MDGA2: variants seen among roughly 807,000 people sequenced by gnomAD.
The protein encoded by MDGA2 is MAM domain containing glycosylphosphatidylinositol anchor 2, also known as MAM domain-containing glycosylphosphatidylinositol anchor protein 2.
Under a neutral mutation model 117.8 loss-of-function variants are expected in MDGA2, and 40 were observed. The ratio of observed to expected loss-of-function variants is 0.34; its 90% CI spans 0.26 to 0.44. The LOEUF (loss-of-function observed/expected upper bound fraction) is 0.44. MDGA2 is among the 20% of genes least tolerant of loss of function. MDGA2 has a pLI of 1.00. For synonymous variants in MDGA2, 452 were observed against 439.0 expected, an observed-to-expected ratio of 1.03 and a Z score of -0.37; for missense variants, 1,123 against 1,250.6, an observed-to-expected ratio of 0.90 and a Z score of 1.54.
intron 4 of MDGA2, among the ~76,000 whole-genome samples, chr14:47,141,691 C>T (rs144703258): frequency 0.023 from 3,451 of 151,236 alleles, 60 homozygotes; most frequent in Non-Finnish European, 0.034. Flanking sequence ...AATTAGGGAG[C>T]ACAATAATCA....
At chr14:47,247,295 T>C (rs1272732568) in intron 2 of MDGA2, among the ~76,000 whole-genome samples, 1 of 136,416 alleles carries the variant, frequency 7.3e-6, no homozygotes, top group Non-Finnish European at 1.6e-5. Flanking sequence ...ATAGTGCTGA[T>C]ATAGTTTCAT....
At chr14:47,129,562 G>A (rs1882090885) in intron 5 of MDGA2, among the ~76,000 whole-genome samples, 1 of 148,066 alleles carries the variant, frequency 6.8e-6, no homozygotes, top group East Asian at 2.0e-4. Flanking sequence ...ACGTGTGCAT[G>A]TGTCTTTATA....
chr14:47,156,033 G>A (rs1423575472), intron 3 of MDGA2, among the ~76,000 whole-genome samples: 9 of 149,712 alleles, frequency 6.0e-5, no homozygotes, highest in Admixed American at 4.7e-4. Flanking sequence ...CTCAGCCGCT[G>A]GCGTAGCTGG....
At chr14:47,438,372 C>T (rs541713394) in intron 1 of MDGA2, among the ~76,000 whole-genome samples, 1 of 152,266 alleles carries the variant, frequency 6.6e-6, no homozygotes, top group South Asian at 2.1e-4. Flanking sequence ...AACCATCCCA[C>T]CACCTTCAAA....
intron 8 of MDGA2, among the ~76,000 whole-genome samples, chr14:46,969,933 CAT>C (rs1157465830): frequency 0.12 from 1,679 of 14,084 alleles, 5 homozygotes; most frequent in Non-Finnish European, 0.15. Context: ...TAAAGTATTC[CAT>C]ATATATATAT....
chr14:46,982,681 C>T lies in MDGA2; in HGVS notation c.1820-25038G>A, dbSNP rs574765594. 3.0e-5 allele frequency among the ~76,000 whole-genome samples: 4 copies of T among 131,844 alleles called. No homozygotes were observed. In the Admixed American group the frequency reaches 3.7e-4, roughly 12 times the overall value. The allele number at this position is 131,844 out of a possible 152,430, so 86.5% of individuals were successfully genotyped here. Reference sequence around the variant, plus strand: ...CCGAGATCACGCCACTGCACTCCAGCCTGGTGACAGAGGGAGACTCCATCA... The same window carrying T: ...CCGAGATCACGCCACTGCACTCCAGTCTGGTGACAGAGGGAGACTCCATCA... On this transcript the variant is annotated intron_variant, in intron 8 of 16. Transcript: ENST00000399232.
At chr14:47,647,451 A>C (rs969305066) in intron 1 of MDGA2, among the ~76,000 whole-genome samples, 3 of 152,158 alleles carry the variant, frequency 2.0e-5, no homozygotes, top group Non-Finnish European at 4.4e-5. Flanking sequence ...ATGATAATTT[A>C]TGTGAAACAC....
At chr14:47,626,257 G>C (rs1897137589) in intron 1 of MDGA2, 1 of 152,230 alleles carries the variant, frequency 6.6e-6, no homozygotes, top group South Asian at 2.1e-4. Flanking sequence ...ATTAAAAACA[G>C]TCAATACTTG....
chr14:47,159,458 CATTA>C (rs1314088412), intron 3 of MDGA2, among the ~76,000 whole-genome samples: 11 of 152,156 alleles, frequency 7.2e-5, no homozygotes, highest in African/African-American at 1.9e-4. Flanking sequence ...CAATCATTCC[CATTA>C]ATTGTCTCTA....
intron 1 of MDGA2, among the ~76,000 whole-genome samples, chr14:47,319,433 T>C (rs1889911530): frequency 6.6e-6 from 1 of 152,200 alleles, no homozygotes; most frequent in Non-Finnish European, 1.5e-5. Flanking sequence ...AAGTATTAAA[T>C]ATATGTTCCT....
At chr14:46,965,682 G>A (rs771451421) in intron 8 of MDGA2, among the ~76,000 whole-genome samples, 6 of 152,032 alleles carry the variant, frequency 3.9e-5, no homozygotes, top group Non-Finnish European at 8.8e-5. Context: ...TCATTCTTTG[G>A]AATATCCGGT....
At chr14:47,055,004 T>TTC (rs1408378289) in intron 7 of MDGA2, among the ~76,000 whole-genome samples, 43 of 92,190 alleles carry the variant, frequency 4.7e-4, no homozygotes, top group African/African-American at 1.6e-3. Flanking sequence ...TTTCTTTTCT[T>TTC]TTTTTTTTTT....
At chr14:47,375,647 G>T (rs1440705050) in intron 1 of MDGA2, among the ~76,000 whole-genome samples, 3 of 151,652 alleles carry the variant, frequency 2.0e-5, no homozygotes, top group African/African-American at 4.8e-5. Flanking sequence ...TCCAATCCTC[G>T]CAACTATCCA....
At chr14:47,065,926 T>C (rs980728412) in intron 6 of MDGA2, among the ~76,000 whole-genome samples, 2 of 152,194 alleles carry the variant, frequency 1.3e-5, no homozygotes, top group African/African-American at 4.8e-5. Context: ...CAAAACCTTG[T>C]TGAGATCTGG....
chr14:46,960,013 G>C (rs989000353), intron 8 of MDGA2, among the ~76,000 whole-genome samples: 1 of 152,006 alleles, frequency 6.6e-6, no homozygotes, highest in African/African-American at 2.4e-5. Context: ...CACGAGGTCA[G>C]GACTTCGAGA....
intron 1 of MDGA2, among the ~76,000 whole-genome samples, chr14:47,561,153 G>GGGTT (rs1895797132): frequency 1.6e-5 from 1 of 63,908 alleles, no homozygotes; most frequent in African/African-American, 3.8e-5. Flanking sequence ...TTTTTTTTTT[G>GGGTT]TTTTGTTTTG....
chr14:46,980,478 T>C (rs570765696), intron 8 of MDGA2, among the ~76,000 whole-genome samples: 187 of 152,288 alleles, frequency 1.2e-3, no homozygotes, highest in Non-Finnish European at 2.1e-3. Flanking sequence ...TTTAGAACAT[T>C]ACATAATGTT....
intron 8 of MDGA2, among the ~76,000 whole-genome samples, chr14:46,984,560 A>T (rs947291256): frequency 2.6e-5 from 4 of 151,984 alleles, no homozygotes; most frequent in Non-Finnish European, 5.9e-5. Flanking sequence ...GGATTCTTGT[A>T]TCCAGCTGTC....
chr14:47,149,610 C>G (rs567191162), intron 3 of MDGA2, among the ~76,000 whole-genome samples: 12 of 152,256 alleles, frequency 7.9e-5, no homozygotes, highest in African/African-American at 2.6e-4. Context: ...CTTTAGCATT[C>G]CCACTTCTCT....
Sources: allele counts gnomAD v4.1 joint callset (sites outside exome capture counted in the v4.1 genomes callset), GRCh38; gene constraint gnomAD v4.1.1; transcripts MANE v1.5; gene names NCBI Gene and HGNC (gene_info 2026-07-23, HGNC 2026-07-21).